The following AFAP1 variants were observed in gnomAD, a reference collection of about 807,000 sequenced individuals.
AFAP1 encodes actin filament-associated protein 1.
A neutral mutation model predicts 93.9 loss-of-function variants in AFAP1; 75 were observed. That is an observed-to-expected ratio of 0.80 (90% confidence interval 0.66 to 0.97). AFAP1 has a LOEUF of 0.97. Ranked by LOEUF, AFAP1 falls within the 50% of genes least tolerant of loss-of-function variation. The pLI is 0.00. For missense variants in AFAP1, 1,201 were observed against 1,050.8 expected (o/e 1.14, Z -1.98); for synonymous variants, 517 against 430.7 (o/e 1.20, Z -2.48).
At chr4:7,801,796 T>C (rs1719055987) in intron 9 of AFAP1, among the ~76,000 whole-genome samples, 1 of 151,740 alleles carries the variant, frequency 6.6e-6, no homozygotes, top group African/African-American at 2.4e-5. Context: ...CCAATTCTGA[T>C]TTTTCAGATT....
At chr4:7,808,913 C>T (rs762476558) in intron 9 of AFAP1, among the ~76,000 whole-genome samples, 2 of 152,128 alleles carry the variant, frequency 1.3e-5, no homozygotes, top group Non-Finnish European at 2.9e-5. Context: ...TCACAAGCTG[C>T]GCAGATGCTG....
At chr4:7,897,475 G>A (rs776096409) in intron 1 of AFAP1, among the ~76,000 whole-genome samples, 1 of 152,018 alleles carries the variant, frequency 6.6e-6, no homozygotes, top group Non-Finnish European at 1.5e-5. Flanking sequence ...CTTCTTTGGA[G>A]TCTCTTGCAT....
chr4:7,860,056 C>A (rs1016142004), intron 3 of AFAP1, among the ~76,000 whole-genome samples: 2 of 152,008 alleles, frequency 1.3e-5, no homozygotes, highest in African/African-American at 4.8e-5. Context: ...GGTGGGAGGA[C>A]TGCTCGAGCC....
intron 5 of AFAP1, among the ~76,000 whole-genome samples, chr4:7,841,839 G>A (rs576062426): frequency 4.6e-5 from 7 of 151,352 alleles, no homozygotes; most frequent in East Asian, 3.9e-4. Flanking sequence ...AAGCTGGCAG[G>A]GGCCCAAATG....
intron 1 of AFAP1, among the ~76,000 whole-genome samples, chr4:7,916,464 C>T (rs1464325324): frequency 6.6e-6 from 1 of 152,194 alleles, no homozygotes; most frequent in African/African-American, 2.4e-5. Flanking sequence ...AACCCTGTGG[C>T]TCCTCAGCAA....
At chr4:7,770,773 A>C (rs887079939) in intron 16 of AFAP1, among the ~76,000 whole-genome samples, 1 of 152,146 alleles carries the variant, frequency 6.6e-6, no homozygotes, top group African/African-American at 2.4e-5. Flanking sequence ...CGGGGGCGGG[A>C]CAGCTCCTCA....
At chr4:7,801,444 A>AG (rs35010005) in intron 9 of AFAP1, among the ~76,000 whole-genome samples, 4 of 151,970 alleles carry the variant, frequency 2.6e-5, no homozygotes, top group Admixed American at 2.6e-4. Context: ...AAAAAAAAAA[A>AG]CCTCCTCAAA....
At chr4:7,876,819 C>A (rs1717539843) in intron 1 of AFAP1, among the ~76,000 whole-genome samples, 1 of 152,216 alleles carries the variant, frequency 6.6e-6, no homozygotes, top group Admixed American at 6.5e-5. Context: ...AAACACAGCT[C>A]TCTAGCGCCT....
intron 16 of AFAP1, among the ~76,000 whole-genome samples, chr4:7,771,521 TGAA>T (rs1175666459): frequency 1.3e-5 from 2 of 152,220 alleles, no homozygotes; most frequent in Non-Finnish European, 2.9e-5. Context: ...AATGAATGAA[TGAA>T]TGCATGTGTA....
Position 7,759,172 on chromosome 4 carries a change from C to CTTGT in AFAP1, c.*4589_*4592dup, listed in dbSNP as rs1310778596. On this transcript the variant is annotated 3_prime_UTR_variant, in exon 18 of 18. Coordinates refer to ENST00000420658, the MANE Select transcript of AFAP1 (RefSeq NM_001134647.2). ...AAAATGTAAAGTGAATATTTCCTTT[C>CTTGT]TTGTTAGAAAATCAAAAAGATTATC... The CTTGT allele has an allele frequency of 1.3e-5, 2 of 152,636 alleles. No individual in the cohort carries two copies. Among genetic ancestry groups the CTTGT allele is most frequent in the East Asian group, 3.8e-4 (2 of 5,202 alleles). The allele number at this position is 152,636 out of a possible 1,614,324, so 9.5% of individuals were successfully genotyped here.
intron 1 of AFAP1, among the ~76,000 whole-genome samples, chr4:7,884,642 G>C (rs1718040827): frequency 6.6e-6 from 1 of 152,090 alleles, no homozygotes; most frequent in Admixed American, 6.6e-5. Flanking sequence ...TTGGGAAAAA[G>C]AAAAGATGAA....
intron 5 of AFAP1, among the ~76,000 whole-genome samples, chr4:7,842,301 CAAAA>C (rs57050150): frequency 0.023 from 2,168 of 94,944 alleles, 57 homozygotes; most frequent in African/African-American, 0.082. Flanking sequence ...CCTGGATTTA[CAAAA>C]AAAAAAAAAA....
chr4:7,797,893 C>CG (rs1045172069), intron 10 of AFAP1, among the ~76,000 whole-genome samples: 51 of 152,184 alleles, frequency 3.4e-4, no homozygotes, highest in Admixed American at 1.2e-3. Context: ...GAAAGGGGCA[C>CG]GGGGGAGAGT....
Position 7,781,418 on chromosome 4 carries a change from A to T in AFAP1, c.1740T>A (p.Asn580Lys). Residue 580 changes from asparagine (N) to lysine (K), a missense_variant, in exon 13 of 18, where the codon AAT (asparagine) becomes AAA (lysine). Physicochemically the swap from Asn to Lys is moderately conservative, Grantham distance 94. Transcript: ENST00000420658. ...GAGACGCCCTCCCCACAGAAGAGGTATTAGTGACAGACTGAGCGGAGGCAG... is the reference window on the plus strand; with the variant it reads ...GAGACGCCCTCCCCACAGAAGAGGTTTTAGTGACAGACTGAGCGGAGGCAG... ...KYPASAQSVT[N>K]TSSVGRASLG... The T allele has an allele frequency of 6.4e-7, 1 of 1,552,038 alleles. No individual in the cohort carries two copies. The highest frequency in any genetic ancestry group is 8.7e-7 in the Non-Finnish European group (1 of 1,147,076).
At chr4:7,861,300 C>A (rs1715649111) in intron 3 of AFAP1, among the ~76,000 whole-genome samples, 1 of 152,226 alleles carries the variant, frequency 6.6e-6, no homozygotes, top group Admixed American at 6.5e-5. Flanking sequence ...ATGCCATCAT[C>A]TAAACTTCCT....
At chr4:7,891,820 G>A (rs1718490487) in intron 1 of AFAP1, among the ~76,000 whole-genome samples, 2 of 149,568 alleles carry the variant, frequency 1.3e-5, no homozygotes, top group Admixed American at 6.7e-5. Context: ...ATGCCAAGGC[G>A]GGTGGATCAC....
intron 16 of AFAP1, 138 bp from the exon 17 acceptor site, chr4:7,769,146 C>CACGT: frequency 8.5e-7 from 1 of 1,179,010 alleles, no homozygotes; most frequent in Middle Eastern, 2.8e-4. Context: ...CAAGGACTGC[C>CACGT]ACGTGGTCAG....
At chr4:7,908,482 T>C (rs890444349) in intron 1 of AFAP1, among the ~76,000 whole-genome samples, 1 of 152,218 alleles carries the variant, frequency 6.6e-6, no homozygotes, top group Non-Finnish European at 1.5e-5. Context: ...TAAACTTGTA[T>C]TAACAAAATT....
chr4:7,806,730 G>A (rs985030381), intron 9 of AFAP1, among the ~76,000 whole-genome samples: 4 of 152,184 alleles, frequency 2.6e-5, no homozygotes, highest in African/African-American at 9.7e-5. Context: ...TTAGATGACA[G>A]CTTTAAAATC....
Sources: gnomAD v4.1 joint callset for allele counts (sites outside exome capture counted in the v4.1 genomes callset) on GRCh38, gnomAD v4.1.1 for gene constraint, MANE v1.5 for transcripts, NCBI Gene and HGNC (gene_info 2026-07-23, HGNC 2026-07-21) for gene names.